BCL9: variants seen among roughly 807,000 people sequenced by gnomAD.
BCL9 encodes the protein BCL9 transcription coactivator.
A neutral mutation model predicts 88.5 loss-of-function variants in BCL9; 25 were observed. That is an observed-to-expected ratio of 0.28 (90% CI 0.21 to 0.39). The LOEUF is 0.39. Ranked by LOEUF, BCL9 falls within the 10% of genes least tolerant of loss-of-function variation. BCL9 has a pLI of 1.00. For missense variants in BCL9, 1,817 were observed against 1,877.8 expected (o/e 0.97, Z 0.60); for synonymous variants, 711 against 673.3 (o/e 1.06, Z -0.87).
At chr1:147,596,145 G>A (rs1488566929) in intron 1 of BCL9, among the ~76,000 whole-genome samples, 1 of 152,164 alleles carries the variant, frequency 6.6e-6, no homozygotes. Flanking sequence ...CGAATGCCAA[G>A]GGCCTCAGGT....
intron 1 of BCL9, among the ~76,000 whole-genome samples, chr1:147,554,684 C>A (rs1221969486): frequency 2.0e-5 from 3 of 152,170 alleles, no homozygotes; most frequent in African/African-American, 7.2e-5. Context: ...GGGTTCTAGT[C>A]CTTGCTCCCT....
intron 1 of BCL9, among the ~76,000 whole-genome samples, chr1:147,598,315 T>G (rs1657142991): frequency 6.6e-6 from 1 of 152,250 alleles, no homozygotes; most frequent in South Asian, 2.1e-4. Flanking sequence ...TTATACCAAC[T>G]ATTGCCTTTC....
chr1:147,590,095 C>T (rs587693867), intron 1 of BCL9, among the ~76,000 whole-genome samples: 3 of 152,208 alleles, frequency 2.0e-5, no homozygotes, highest in South Asian at 2.1e-4. Context: ...TTTATAGAAA[C>T]GAGGTGTTGC....
intron 1 of BCL9, among the ~76,000 whole-genome samples, chr1:147,580,081 C>A (rs753632822): frequency 6.6e-6 from 1 of 152,158 alleles, no homozygotes; most frequent in Non-Finnish European, 1.5e-5. Flanking sequence ...CATGTTTATT[C>A]ATCCTCCCTG....
intron 7 of BCL9, among the ~76,000 whole-genome samples, chr1:147,617,339 T>G (rs183282908): frequency 6.6e-6 from 1 of 152,346 alleles, no homozygotes; most frequent in African/African-American, 2.4e-5. Context: ...CACATCTAAA[T>G]GTTTTCTGAC....
At chr1:147,590,260 C>A (rs587651369) in intron 1 of BCL9, among the ~76,000 whole-genome samples, 1 of 152,300 alleles carries the variant, frequency 6.6e-6, no homozygotes, top group East Asian at 1.9e-4. Flanking sequence ...CCCCTGCTTT[C>A]CACCAATTTT....
chr1:147,620,158 A>G lies in BCL9; in HGVS notation c.2003A>G (p.His668Arg), dbSNP rs377700000. Residue 668 changes from histidine (H) to arginine (R), a missense_variant, in exon 8 of 10, where the codon CAC becomes CGC. This residue lies in a region of BCL9 where 1,228 missense variants were observed against 1,191.6 expected (regional missense o/e 1.03). Transcript: ENST00000234739. ...AGGATGATTCCAGGCTCCCAGCGCC[A>G]CATGGAGCCTGGGAATAACCCCATT... ...MNRMIPGSQR[H>R]MEPGNNPIFP... The G allele has an allele frequency of 3.1e-6, 5 of 1,614,068 alleles. No individual in the cohort carries two copies. The African/African-American group carries it at 6.7e-5, about 22-fold the overall frequency.
intron 1 of BCL9, among the ~76,000 whole-genome samples, chr1:147,586,120 T>C (rs1656590875): frequency 6.6e-6 from 1 of 152,154 alleles, no homozygotes; most frequent in Admixed American, 6.5e-5. Context: ...CTCACCTTAT[T>C]AACTCTGCTT....
intron 1 of BCL9, among the ~76,000 whole-genome samples, chr1:147,560,563 CA>C (rs1253207768): frequency 2.7e-5 from 4 of 147,936 alleles, no homozygotes; most frequent in Non-Finnish European, 5.9e-5. Context: ...GCCGAGATCG[CA>C]CCATCACACT....
chr1:147,612,845 C>T lies in BCL9; in HGVS notation c.54-38C>T, dbSNP rs587768487. The T allele has an allele frequency of 5.0e-6, 8 of 1,597,700 alleles. No individual in the cohort carries two copies. The African/African-American group carries it at 1.1e-4, about 21-fold the overall frequency. On this transcript the variant is annotated intron_variant, in intron 4 of 9. Coordinates refer to ENST00000234739, the MANE Select transcript of BCL9 (RefSeq NM_004326.4). The stretch of plus-strand genomic sequence containing the variant: ...TCTAATTTGTGCTGACCAGCTGTAT[C>T]TGGTGTCTGATCTTCCTTTGTTATT...
rs1658551346 is a variant in BCL9 at position 147,620,319 on chromosome 1, C to G, written c.2164C>G (p.Leu722Val). 1 of 1,614,086 alleles carries G rather than the reference C, an allele frequency of 6.2e-7. No homozygotes were observed. The highest frequency in any genetic ancestry group is 8.5e-7 in the Non-Finnish European group (1 of 1,180,048). ...TAGTGGGATGAAGGGAGATGTCAAT[C>G]TAAATGTCAACATGGGATCCAACTC... Reference protein sequence around the residue: ...VPSGMKGDVNLNVNMGSNSQM... With the variant: ...VPSGMKGDVNVNVNMGSNSQM... Residue 722 changes from leucine to valine, a missense_variant, in exon 8 of 10, where the codon CTA becomes GTA. Physicochemically the swap from Leu to Val is conservative, Grantham distance 32. Transcript: ENST00000234739.
intron 1 of BCL9, among the ~76,000 whole-genome samples, chr1:147,601,555 G>A (rs1553201286): frequency 1.3e-5 from 2 of 151,390 alleles, no homozygotes; most frequent in Non-Finnish European, 2.9e-5. Flanking sequence ...GATGGGAGGA[G>A]GGGGCAAAAG....
rs1327485511 is a variant in BCL9, at chr1:147,619,039, C to T, written c.884C>T (p.Ser295Phe). ...CCTTCTGTAGGAAGTCCTGCCAGCT[C>T]CACTCCACTGCCCCCAGATGGTACT... ...LIPSVGSPASSTPLPPDGTGP... is the reference protein window; with the variant it reads ...LIPSVGSPASFTPLPPDGTGP... The change falls in exon 8 of 10, where the codon TCC (serine) becomes TTC (phenylalanine). Residue 295 changes from serine to phenylalanine, a missense_variant. Around this residue, in one of 2 missense-constraint regions of BCL9, gnomAD observed 1,228 missense variants for 1,191.6 expected, o/e 1.03. Coordinates refer to ENST00000234739, the MANE Select transcript of BCL9 (RefSeq NM_004326.4). The surrounding 1 kb of genome is among the most constrained non-coding windows in gnomAD (Gnocchi z 4.1). 2 of 1,610,336 alleles carry T rather than the reference C, an allele frequency of 1.2e-6. No homozygotes were observed. The highest frequency in any genetic ancestry group is 2.7e-5 in the African/African-American group (2 of 74,848).
chr1:147,551,504 G>C (rs587770412), intron 1 of BCL9, among the ~76,000 whole-genome samples: 8 of 152,286 alleles, frequency 5.3e-5, no homozygotes, highest in Admixed American at 5.2e-4. Context: ...CGGTTCAGCT[G>C]TTCCCTCCAT....
intron 1 of BCL9, among the ~76,000 whole-genome samples, chr1:147,588,427 A>G (rs1553199524): frequency 6.6e-6 from 1 of 152,220 alleles, no homozygotes; most frequent in African/African-American, 2.4e-5. Flanking sequence ...AAAAAACGAC[A>G]GTATACACTT....
chr1:147,601,394 T>A (rs1025071463), intron 1 of BCL9, among the ~76,000 whole-genome samples: 1 of 152,220 alleles, frequency 6.6e-6, no homozygotes, highest in Non-Finnish European at 1.5e-5. Flanking sequence ...AGTTACATTT[T>A]GGTCAATGAT....
chr1:147,590,517 T>G (rs888375735), intron 1 of BCL9, among the ~76,000 whole-genome samples: 5 of 152,180 alleles, frequency 3.3e-5, no homozygotes, highest in Admixed American at 3.3e-4. Context: ...TCTTCCTTCC[T>G]GTAGCTGCAG....
rs1658490824 is a variant in BCL9, at chr1:147,619,510, C to T, written c.1355C>T (p.Ser452Phe). 1.9e-6 allele frequency: 3 copies of T among 1,613,956 alleles called. No homozygotes were observed. Among genetic ancestry groups the T allele is most frequent in the African/African-American group, 2.7e-5 (2 of 74,870 alleles). Residue 452 changes from serine (S) to phenylalanine (F), a missense_variant, in exon 8 of 10, where the codon TCC becomes TTC. Ser to Phe is a radical substitution (Grantham distance 155). Coordinates refer to ENST00000234739, the MANE Select transcript of BCL9 (RefSeq NM_004326.4). This position sits in a 1 kb window ranked among gnomAD's most constrained non-coding sequence, Gnocchi z 4.1. ...GAAATGGTTCCACCTTCTATGAACTCCCAGTCTGGGACCATAGGACCCGAC... is the reference window on the plus strand; with the variant it reads ...GAAATGGTTCCACCTTCTATGAACTTCCAGTCTGGGACCATAGGACCCGAC... ...PDEMVPPSMN[S>F]QSGTIGPDHL...
Position 147,547,618 on chromosome 1 carries a change from T to G in BCL9, c.-478+5944T>G, listed in dbSNP as rs587760257. Among the ~76,000 whole-genome samples, 9 of 152,324 alleles carry G rather than the reference T, an allele frequency of 5.9e-5. No individual in the cohort carries two copies. In the East Asian group the frequency reaches 1.4e-3, roughly 23 times the overall value. ...AGAGGATTTTTCACACTGTATGTAA[T>G]AATTTTTTGACTTACAATGTTCCTT... On this transcript the variant is annotated intron_variant, in intron 1 of 9. Transcript: ENST00000234739.
Sources: gnomAD v4.1 joint callset for allele counts (sites outside exome capture counted in the v4.1 genomes callset) on GRCh38, gnomAD v4.1.1 for gene constraint, gnomAD v4.1.1 regional missense constraint, Gnocchi (gnomAD v3.1) non-coding constraint, MANE v1.5 for transcripts, NCBI Gene and HGNC (gene_info 2026-07-23, HGNC 2026-07-21) for gene names.